Variants in SNX16 observed in about 807,000 individuals in gnomAD.
SNX16 encodes the protein sorting nexin 16, also known as sorting nexin-16.
In SNX16, 35 loss-of-function variants were observed where a neutral mutation model predicts 36.7. That is an observed-to-expected ratio of 0.95 (90% CI 0.73 to 1.27). The LOEUF is 1.27. Ranked by LOEUF, SNX16 falls within the 50% of genes most tolerant of loss-of-function variation. The pLI, the probability that SNX16 is intolerant of heterozygous loss-of-function variation, is 0.00. For missense variants in SNX16, 367 were observed against 393.6 expected, an observed-to-expected ratio of 0.93 and a Z score of 0.57; for synonymous variants, 134 against 132.0, an observed-to-expected ratio of 1.02 and a Z score of -0.10.
chr8:81,829,360 T>A, intron 3 of SNX16, 70 bp downstream of exon 3: 1 of 590,912 alleles, frequency 1.7e-6, no homozygotes, highest in Non-Finnish European at 2.6e-6. Context: ...AGAAAAAATA[T>A]AACAGAAGTA....
chr8:81,814,300 G>T (rs1390679558), intron 5 of SNX16, among the ~76,000 whole-genome samples: 2 of 151,884 alleles, frequency 1.3e-5, no homozygotes, highest in Non-Finnish European at 2.9e-5. Flanking sequence ...AATAAATCAG[G>T]TGTAAAAGAT....
At position 81,835,862 on chromosome 8, in the gene SNX16, C is replaced by T. The variant is rs562016961; in HGVS notation, c.375+3750G>A. On this transcript the variant is annotated intron_variant, in intron 2 of 7. Transcript: ENST00000345957. ...AGGACAGCTTGTGCAGGGAGACTCC[C>T]GCTTTTAAAACCATCAGATCTTGTG... Among the ~76,000 whole-genome samples the T allele has an allele frequency of 6.6e-5, 10 of 152,272 alleles. No individual in the cohort carries two copies. In the South Asian group the frequency reaches 2.1e-3, roughly 32 times the overall value.
chr8:81,839,087 T>A (rs1407144614), intron 2 of SNX16, among the ~76,000 whole-genome samples: 1 of 152,122 alleles, frequency 6.6e-6, no homozygotes, highest in Non-Finnish European at 1.5e-5. Flanking sequence ...GATAAAAATG[T>A]TAAAATATCA....
In SNX16 at chr8:81,808,841, C is replaced by T. The variant is rs561525025; in HGVS notation, c.682-5613G>A. The T allele has an allele frequency of 4.3e-6, 3 of 693,786 alleles. No homozygotes were observed. In the African/African-American group the frequency reaches 5.3e-5, roughly 12 times the overall value. 43.0% of individuals were successfully genotyped at this position (693,786 alleles called of 1,614,324 possible). ...CAAGCACAGTGGTGGCAGGGCCTAGCTGCTACAAAGAAGACATGTTTTAGA... is the reference window on the plus strand; with the variant it reads ...CAAGCACAGTGGTGGCAGGGCCTAGTTGCTACAAAGAAGACATGTTTTAGA... On this transcript the variant is annotated intron_variant, in intron 5 of 7. Transcript: ENST00000345957.
chr8:81,832,850 A>T (rs969760917), intron 2 of SNX16, among the ~76,000 whole-genome samples: 1 of 149,718 alleles, frequency 6.7e-6, no homozygotes, highest in African/African-American at 2.5e-5. Flanking sequence ...CATACGAGAT[A>T]CTCAATAAAT....
intron 2 of SNX16, among the ~76,000 whole-genome samples, chr8:81,837,365 A>G (rs934750196): frequency 7.9e-5 from 12 of 152,170 alleles, no homozygotes; most frequent in African/African-American, 2.7e-4. Flanking sequence ...ACCACCTTGT[A>G]TTTGGCCAAA....
chr8:81,801,644 G>T, intron 7 of SNX16, 51 bp from the exon 8 acceptor site: 2 of 1,095,080 alleles, frequency 1.8e-6, no homozygotes, highest in African/African-American at 1.6e-5. Context: ...CTGGATGCAT[G>T]CTATTATTTC....
chr8:81,806,493 ACTT>A (rs1174809812), intron 5 of SNX16, among the ~76,000 whole-genome samples: 5 of 152,156 alleles, frequency 3.3e-5, no homozygotes, highest in Admixed American at 2.6e-4. Flanking sequence ...TAGAAATAGA[ACTT>A]CTTTAATCTA....
In SNX16 at chr8:81,839,953, T is replaced by C. The variant is rs764647149; in HGVS notation, c.34A>G (p.Ile12Val). The stretch of plus-strand genomic sequence containing the variant: ...GTAAAACTGGAAGCAGAGTTTCCTA[T>C]GGGCATAGGAACTGGGACATAAGGA... Reference protein sequence around the residue: ...ATPYVPVPMPIGNSASSFTTN... With the variant: ...ATPYVPVPMPVGNSASSFTTN... The change falls in exon 2 of 8, where the codon ATA becomes GTA. Residue 12 changes from isoleucine to valine, a missense_variant. Coordinates refer to ENST00000345957, the MANE Select transcript of SNX16 (RefSeq NM_152836.3). 11 of 1,613,530 alleles carry C rather than the reference T, an allele frequency of 6.8e-6. No homozygotes were observed. The Admixed American group carries it at 1.8e-4, about 27-fold the overall frequency.
At chr8:81,816,551 G>A (rs1042358170) in intron 4 of SNX16, among the ~76,000 whole-genome samples, 2 of 151,986 alleles carry the variant, frequency 1.3e-5, no homozygotes, top group African/African-American at 2.4e-5. Flanking sequence ...AAAGGGAATG[G>A]GGCTTTTGGT....
At chr8:81,829,235 T>C (rs1169857390) in intron 3 of SNX16, among the ~76,000 whole-genome samples, 195 bp downstream of exon 3, 6 of 129,248 alleles carry the variant, frequency 4.6e-5, no homozygotes. Context: ...TAATTATTTA[T>C]ATTTCTGTTG....
intron 4 of SNX16, 82 bp downstream of exon 4, chr8:81,823,710 A>T: frequency 8.0e-7 from 1 of 1,254,328 alleles, no homozygotes; most frequent in East Asian, 2.5e-5. Flanking sequence ...GTGCTTAAAT[A>T]ACTATGATCA....
intron 4 of SNX16, among the ~76,000 whole-genome samples, chr8:81,818,848 T>C (rs1178181599): frequency 1.3e-5 from 2 of 152,080 alleles, no homozygotes; most frequent in Admixed American, 6.6e-5. Context: ...CACATTACAG[T>C]TGGAGAAGCA....
chr8:81,814,255 A>G (rs534130354), intron 5 of SNX16, among the ~76,000 whole-genome samples: 1 of 152,182 alleles, frequency 6.6e-6, no homozygotes, highest in South Asian at 2.1e-4. Context: ...ATTATAGAGG[A>G]TAACATGGAA....
chr8:81,838,111 G>GT (rs1417645501), intron 2 of SNX16, among the ~76,000 whole-genome samples: 1 of 151,976 alleles, frequency 6.6e-6, no homozygotes, highest in Non-Finnish European at 1.5e-5. Context: ...GCAGTAAATA[G>GT]AAAACAAAAA....
intron 1 of SNX16, chr8:81,841,901 G>GATCACAGAC (rs1811805519): frequency 1.3e-5 from 2 of 152,190 alleles, no homozygotes; most frequent in Non-Finnish European, 2.9e-5. Context: ...AGCTCCCTGG[G>GATCACAGAC]ATCACAGACT....
At chr8:81,834,612 T>G (rs904647552) in intron 2 of SNX16, among the ~76,000 whole-genome samples, 1 of 151,498 alleles carries the variant, frequency 6.6e-6, no homozygotes. Flanking sequence ...ATGGGAGAAA[T>G]TGGCTAAAAC....
Position 81,829,509 on chromosome 8 carries a change from TTATA to T in SNX16, c.379_382del (p.Tyr127LysfsTer3), listed in dbSNP as rs776741317. 7.3e-7 allele frequency: 1 copy of T among 1,361,042 alleles called. No individual in the cohort carries two copies. The highest frequency in any genetic ancestry group is 9.7e-7 in the Non-Finnish European group (1 of 1,031,568). The allele number at this position is 1,361,042 out of a possible 1,614,324, so 84.3% of individuals were successfully genotyped here. A position where few individuals can be genotyped will look rare whatever the true frequency, so the allele number is the denominator to read the frequency against. ...TTCTGGGGTTTTCTTTACTAGTATT[TTATA>T]TACCTATGCACAGGAAGAAAAACAG... On this transcript the variant is annotated frameshift_variant, in exon 3 of 8. Coordinates refer to ENST00000345957, the MANE Select transcript of SNX16 (RefSeq NM_152836.3). LOFTEE classifies it high-confidence loss of function.
intron 1 of SNX16, 197 bp downstream of exon 1, chr8:81,841,925 T>C (rs1811808124): frequency 6.6e-6 from 1 of 152,202 alleles, no homozygotes; most frequent in Non-Finnish European, 1.5e-5. Flanking sequence ...CCGCCTCCGC[T>C]GACCGGTGCG....
Sources: allele counts gnomAD v4.1 joint callset (sites outside exome capture counted in the v4.1 genomes callset), GRCh38; gene constraint gnomAD v4.1.1; transcripts MANE v1.5; gene names NCBI Gene and HGNC (gene_info 2026-07-23, HGNC 2026-07-21).